KIRREL1: variants seen among roughly 807,000 people sequenced by gnomAD.
The protein encoded by KIRREL1 is kirre like nephrin family adhesion molecule 1, also known as kin of IRRE-like protein 1.
Under a neutral mutation model 83.3 loss-of-function variants are expected in KIRREL1, and 25 were observed. The ratio of observed to expected loss-of-function variants is 0.30; its 90% confidence interval spans 0.22 to 0.42. The LOEUF is 0.42. KIRREL1 is among the 10% of genes least tolerant of loss of function. KIRREL1 has a pLI of 1.00. For synonymous variants in KIRREL1, 388 were observed against 410.4 expected (o/e 0.95, Z 0.66); for missense variants, 812 against 1,032.3 (o/e 0.79, Z 2.92).
intron 1 of KIRREL1, among the ~76,000 whole-genome samples, chr1:158,038,190 T>G (rs1187581682): frequency 6.6e-6 from 1 of 152,256 alleles, no homozygotes; most frequent in Non-Finnish European, 1.5e-5. Flanking sequence ...TCCTCATGTG[T>G]GAGCTGAGTC....
rs1276035925 is a variant in KIRREL1 at position 158,093,724 on chromosome 1, G to C, written c.1681G>C (p.Val561Leu). The C allele has an allele frequency of 6.2e-7, 1 of 1,614,186 alleles. No individual in the cohort carries two copies. Among genetic ancestry groups the C allele is most frequent in the Non-Finnish European group, 8.5e-7 (1 of 1,180,034 alleles). Residue 561 changes from valine to leucine, a missense_variant, in exon 13 of 15, where the codon GTC becomes CTC. Physicochemically the swap from Val to Leu is conservative, Grantham distance 32. Coordinates refer to ENST00000359209, the MANE Select transcript of KIRREL1 (RefSeq NM_018240.7). ...TGACCGGGAGGATGACACCGCCAGC[G>C]TCTCCACAGCAACCCGGGTCATGAA... ...HSDREDDTASVSTATRVMKAI... is the reference protein window; with the variant it reads ...HSDREDDTASLSTATRVMKAI...
chr1:158,100,239 T>G lies in KIRREL1; in HGVS notation c.*5119T>G, dbSNP rs1319852142. The G allele has an allele frequency of 6.7e-6, 1 of 149,594 alleles. No individual in the cohort carries two copies. The highest frequency in any genetic ancestry group is 1.9e-4 in the East Asian group (1 of 5,162). 9.3% of individuals were successfully genotyped at this position (149,594 alleles called of 1,614,324 possible). A position where few individuals can be genotyped will look rare whatever the true frequency, so the allele number is the denominator to read the frequency against. ...TATATATTTAATTTTTTTATATATA[T>G]AAATATAAATGTTTTAAAAAGTACC... On this transcript the variant is annotated 3_prime_UTR_variant, in exon 15 of 15. Coordinates refer to ENST00000359209, the MANE Select transcript of KIRREL1 (RefSeq NM_018240.7).
chr1:158,065,835 C>T (rs879808937), intron 1 of KIRREL1, among the ~76,000 whole-genome samples: 2 of 152,012 alleles, frequency 1.3e-5, no homozygotes, highest in Non-Finnish European at 2.9e-5. Context: ...CTGTCTCTGC[C>T]GCCTGCCCTC....
intron 1 of KIRREL1, among the ~76,000 whole-genome samples, chr1:158,050,711 G>A (rs1660889706): frequency 6.6e-6 from 1 of 151,766 alleles, no homozygotes; most frequent in Admixed American, 6.6e-5. Context: ...AGACCACAGA[G>A]TTATCCTTCT....
At chr1:158,060,176 C>T (rs1466687205) in intron 1 of KIRREL1, among the ~76,000 whole-genome samples, 1 of 152,216 alleles carries the variant, frequency 6.6e-6, no homozygotes, top group African/African-American at 2.4e-5. Flanking sequence ...CCTTTCCTCT[C>T]TGCTCCTCCT....
intron 1 of KIRREL1, among the ~76,000 whole-genome samples, chr1:158,022,047 G>C (rs973578652): frequency 5.3e-5 from 8 of 152,096 alleles, no homozygotes; most frequent in African/African-American, 1.9e-4. Flanking sequence ...GGTGCGGTTG[G>C]GGTGGGGCTC....
chr1:158,003,720 G>A (rs1464496305), intron 1 of KIRREL1, among the ~76,000 whole-genome samples: 2 of 152,138 alleles, frequency 1.3e-5, no homozygotes, highest in African/African-American at 4.8e-5. Context: ...CCTTCACCAG[G>A]CAGTGGGCGA....
At chr1:158,044,272 GGT>G (rs1169063844) in intron 1 of KIRREL1, among the ~76,000 whole-genome samples, 1 of 152,162 alleles carries the variant, frequency 6.6e-6, no homozygotes, top group African/African-American at 2.4e-5. Context: ...TCCAGAGCCA[GGT>G]CAGGCTTAAT....
At chr1:158,047,276 T>G (rs1015344332) in intron 1 of KIRREL1, among the ~76,000 whole-genome samples, 1 of 152,166 alleles carries the variant, frequency 6.6e-6, no homozygotes, top group Non-Finnish European at 1.5e-5. Flanking sequence ...GTCGTCATGA[T>G]GAAGATTCAG....
At chr1:158,041,392 G>A (rs1482936119) in intron 1 of KIRREL1, among the ~76,000 whole-genome samples, 2 of 152,178 alleles carry the variant, frequency 1.3e-5, no homozygotes, top group African/African-American at 4.8e-5. Context: ...AATTCAGGAG[G>A]GGAATCATTT....
intron 1 of KIRREL1, among the ~76,000 whole-genome samples, chr1:158,064,315 A>C (rs951692307): frequency 6.6e-6 from 1 of 152,246 alleles, no homozygotes; most frequent in African/African-American, 2.4e-5. Context: ...GGTTTTACTT[A>C]TACCTTTGAC....
intron 1 of KIRREL1, among the ~76,000 whole-genome samples, chr1:158,034,557 T>G (rs935627511): frequency 1.3e-5 from 2 of 152,208 alleles, no homozygotes; most frequent in Non-Finnish European, 2.9e-5. Context: ...AGATGTGGGT[T>G]CAAGTTCAGA....
At chr1:158,027,177 T>TATTCCTTTTC (rs748854356) in intron 1 of KIRREL1, among the ~76,000 whole-genome samples, 25 of 152,234 alleles carry the variant, frequency 1.6e-4, no homozygotes, top group Non-Finnish European at 3.1e-4. Context: ...CCTGAGGTTT[T>TATTCCTTTTC]ATTCCTTTTC....
intron 1 of KIRREL1, among the ~76,000 whole-genome samples, chr1:158,069,303 TG>T (rs924921029): frequency 2.3e-3 from 3 of 1,294 alleles, no homozygotes; most frequent in African/African-American, 2.8e-3. Context: ...ATGACGTACT[TG>T]TGTGTGTGTG....
In KIRREL1 at chr1:158,095,590, T is replaced by C. The variant is rs1239946532; in HGVS notation, c.*470T>C. Reference sequence around the variant, plus strand: ...GATAGCCTGGCCAGTCCCTCTGTTGTCTGCATTCGTGCCCTGGGTGCCTCT... The same window carrying C: ...GATAGCCTGGCCAGTCCCTCTGTTGCCTGCATTCGTGCCCTGGGTGCCTCT... On this transcript the variant is annotated 3_prime_UTR_variant, in exon 15 of 15. Transcript: ENST00000359209. 6.4e-6 allele frequency: 1 copy of C among 155,690 alleles called. No homozygotes were observed. The highest frequency in any genetic ancestry group is 1.9e-4 in the East Asian group (1 of 5,240). 9.6% of individuals were successfully genotyped at this position (155,690 alleles called of 1,614,324 possible). A position where few individuals can be genotyped will look rare whatever the true frequency, so the allele number is the denominator to read the frequency against.
At chr1:158,072,298 G>A (rs1661537723) in intron 1 of KIRREL1, among the ~76,000 whole-genome samples, 1 of 152,080 alleles carries the variant, frequency 6.6e-6, no homozygotes, top group Non-Finnish European at 1.5e-5. Flanking sequence ...GGTTTCACAG[G>A]CAGGACTGTG....
chr1:158,043,720 A>G (rs1260162696), intron 1 of KIRREL1, among the ~76,000 whole-genome samples: 1 of 152,100 alleles, frequency 6.6e-6, no homozygotes, highest in African/African-American at 2.4e-5. Flanking sequence ...GAAAGAGGAA[A>G]ACAGAAGAAA....
At chr1:158,008,750 T>C (rs1056614668) in intron 1 of KIRREL1, among the ~76,000 whole-genome samples, 1 of 152,202 alleles carries the variant, frequency 6.6e-6, no homozygotes, top group African/African-American at 2.4e-5. Context: ...GTGCTCATCA[T>C]GCCCGTTTTA....
chr1:158,026,781 A>G (rs1458460605), intron 1 of KIRREL1, among the ~76,000 whole-genome samples: 3 of 152,178 alleles, frequency 2.0e-5, no homozygotes, highest in African/African-American at 7.2e-5. Flanking sequence ...TTGGAGTCAG[A>G]CAGTCTGGCC....
Sources: gnomAD v4.1 joint callset for allele counts (sites outside exome capture counted in the v4.1 genomes callset) on GRCh38, gnomAD v4.1.1 for gene constraint, MANE v1.5 for transcripts, NCBI Gene and HGNC (gene_info 2026-07-23, HGNC 2026-07-21) for gene names.